The following CHRM3 variants were observed in gnomAD, a reference collection of about 807,000 sequenced individuals.
The protein encoded by CHRM3 is cholinergic receptor muscarinic 3, also known as muscarinic acetylcholine receptor M3.
CHRM3 carries 11 observed loss-of-function variants against 41.8 expected under a neutral mutation model. The observed-to-expected ratio is 0.26, with a 90% CI of 0.17 to 0.44. CHRM3 has a LOEUF of 0.44. Among genes scored for constraint, CHRM3 ranks in the 20% least tolerant of loss-of-function variants. The pLI is 1.00. For missense variants in CHRM3, 571 were observed against 745.4 expected (o/e 0.77, Z 2.72); for synonymous variants, 297 against 301.4 (o/e 0.99, Z 0.15).
intron 4 of CHRM3, among the ~76,000 whole-genome samples, chr1:239,660,955 C>G (rs1410343858): frequency 6.6e-6 from 1 of 152,118 alleles, no homozygotes; most frequent in Non-Finnish European, 1.5e-5. Context: ...TCTATGTGTG[C>G]ATTATTTCAT....
intron 6 of CHRM3, among the ~76,000 whole-genome samples, chr1:239,829,239 C>T (rs1194207553): frequency 6.6e-6 from 1 of 152,076 alleles, no homozygotes; most frequent in Admixed American, 6.5e-5. Context: ...TTCTGAGCTT[C>T]GGTTTCCTCA....
At chr1:239,503,685 A>G (rs530495260) in intron 2 of CHRM3, among the ~76,000 whole-genome samples, 125 of 152,286 alleles carry the variant, frequency 8.2e-4, no homozygotes, top group Non-Finnish European at 1.5e-3. Context: ...GCCATAGTCA[A>G]CAAAACAGCA....
At chr1:239,762,404 T>C (rs866718749) in intron 5 of CHRM3, among the ~76,000 whole-genome samples, 2 of 152,206 alleles carry the variant, frequency 1.3e-5, no homozygotes, top group Non-Finnish European at 2.9e-5. Flanking sequence ...TGACACATAC[T>C]TTTTGAAATC....
intron 4 of CHRM3, among the ~76,000 whole-genome samples, chr1:239,650,363 A>G (rs77620412): frequency 0.047 from 7,126 of 152,326 alleles, 190 homozygotes; most frequent in Middle Eastern, 0.11. Flanking sequence ...TCTCTCTGCA[A>G]AATGGAGACA....
At chr1:239,649,495 C>G (rs547563193) in intron 4 of CHRM3, among the ~76,000 whole-genome samples, 1 of 152,106 alleles carries the variant, frequency 6.6e-6, no homozygotes, top group Non-Finnish European at 1.5e-5. Context: ...TTCAGGAATT[C>G]GAGGCAGTTG....
intron 6 of CHRM3, among the ~76,000 whole-genome samples, chr1:239,861,365 T>C (rs1177324657): frequency 6.6e-6 from 1 of 152,016 alleles, no homozygotes; most frequent in Non-Finnish European, 1.5e-5. Context: ...AGTTGAGATA[T>C]GAAGGATAAT....
intron 1 of CHRM3, among the ~76,000 whole-genome samples, chr1:239,420,789 T>C (rs1358611339): frequency 6.6e-6 from 1 of 152,168 alleles, no homozygotes; most frequent in African/African-American, 2.4e-5. Context: ...TTTACCTCAG[T>C]ATATTTTTAT....
intron 1 of CHRM3, among the ~76,000 whole-genome samples, chr1:239,439,450 A>G (rs1663532698): frequency 6.6e-6 from 1 of 152,192 alleles, no homozygotes; most frequent in African/African-American, 2.4e-5. Flanking sequence ...GGCTGGAGTC[A>G]GGGCTTTGGA....
intron 5 of CHRM3, among the ~76,000 whole-genome samples, chr1:239,744,979 G>T (rs111933433): frequency 6.6e-6 from 1 of 152,106 alleles, no homozygotes; most frequent in African/African-American, 2.4e-5. Context: ...GCAAGGACAT[G>T]GAGCAAGGGG....
intron 1 of CHRM3, among the ~76,000 whole-genome samples, chr1:239,400,285 A>AT (rs1330661692): frequency 6.6e-6 from 1 of 152,152 alleles, no homozygotes; most frequent in East Asian, 1.9e-4. Context: ...TCTTTTGCCT[A>AT]TTTTTTAATC....
intron 1 of CHRM3, among the ~76,000 whole-genome samples, chr1:239,388,543 A>G (rs1658738575): frequency 6.6e-6 from 1 of 152,250 alleles, no homozygotes; most frequent in African/African-American, 2.4e-5. Flanking sequence ...GTTTAAAACA[A>G]TGCCCATGTA....
rs548640610 is a variant in CHRM3 at position 239,816,045 on chromosome 1, A to T, written c.-146-11207A>T. The stretch of plus-strand genomic sequence containing the variant: ...AAAACTTTCTCATTCTGGGGGGGAA[A>T]AAAGAACAGACTTCCATGCCAGCTT... On this transcript the variant is annotated intron_variant, in intron 5 of 6. Coordinates refer to ENST00000676153, the MANE Select transcript of CHRM3 (RefSeq NM_001375978.1). 1.0e-3 allele frequency among the ~76,000 whole-genome samples: 152 copies of T among 152,140 alleles called. 1 individual carries two copies. The highest frequency in any genetic ancestry group is 6.8e-3 in the Middle Eastern group (2 of 294).
intron 6 of CHRM3, among the ~76,000 whole-genome samples, chr1:239,866,925 C>A (rs12075862): frequency 0.019 from 2,968 of 152,340 alleles, 96 homozygotes; most frequent in African/African-American, 0.067. Flanking sequence ...GCACAATTCA[C>A]ATGGCAGAAT....
chr1:239,874,895 C>T (rs1300447465), intron 6 of CHRM3, among the ~76,000 whole-genome samples: 1 of 151,888 alleles, frequency 6.6e-6, no homozygotes, highest in Non-Finnish European at 1.5e-5. Context: ...GACGGGGTTT[C>T]TCCATTTTGG....
At chr1:239,510,324 T>G (rs1175358185) in intron 2 of CHRM3, among the ~76,000 whole-genome samples, 1 of 152,202 alleles carries the variant, frequency 6.6e-6, no homozygotes, top group Non-Finnish European at 1.5e-5. Context: ...CAGAATCAAC[T>G]GGTATCTTCT....
intron 1 of CHRM3, among the ~76,000 whole-genome samples, chr1:239,471,310 G>A (rs184486770): frequency 7.9e-5 from 12 of 152,316 alleles, no homozygotes; most frequent in African/African-American, 2.4e-4. Flanking sequence ...GCTGCCAGGT[G>A]TTGAGCAGCA....
At chr1:239,488,247 T>C (rs1330794281) in intron 1 of CHRM3, among the ~76,000 whole-genome samples, 1 of 152,150 alleles carries the variant, frequency 6.6e-6, no homozygotes, top group African/African-American at 2.4e-5. Context: ...TTATGAAATG[T>C]ACATAACCGT....
intron 5 of CHRM3, among the ~76,000 whole-genome samples, chr1:239,737,758 G>C (rs1664507078): frequency 6.6e-6 from 1 of 152,112 alleles, no homozygotes; most frequent in Non-Finnish European, 1.5e-5. Flanking sequence ...AGGTGACCCA[G>C]AAAACTCTTC....
intron 4 of CHRM3, among the ~76,000 whole-genome samples, chr1:239,662,296 C>G (rs1573184293): frequency 6.6e-6 from 1 of 151,998 alleles, no homozygotes; most frequent in African/African-American, 2.4e-5. Flanking sequence ...AGGAAGAGTC[C>G]TAGTAGGTAT....
Sources: gnomAD v4.1 joint callset for allele counts (sites outside exome capture counted in the v4.1 genomes callset) on GRCh38, gnomAD v4.1.1 for gene constraint, MANE v1.5 for transcripts, NCBI Gene and HGNC (gene_info 2026-07-23, HGNC 2026-07-21) for gene names.